MYO3B: variants seen among roughly 807,000 people sequenced by gnomAD.
The protein encoded by MYO3B is myosin IIIB.
A neutral mutation model predicts 174.6 loss-of-function variants in MYO3B; 156 were observed. The observed-to-expected ratio is 0.89, with a 90% CI of 0.78 to 1.02. MYO3B has a LOEUF of 1.02. Ranked by LOEUF, MYO3B falls within the 50% of genes least tolerant of loss-of-function variation. The pLI is 0.00. For synonymous variants in MYO3B, 563 were observed against 569.1 expected (o/e 0.99, Z 0.15); for missense variants, 1,632 against 1,639.4 (o/e 1.00, Z 0.08).
chr2:170,391,688 A>G, intron 15 of MYO3B, 70 bp downstream of exon 15: 2 of 911,432 alleles, frequency 2.2e-6, no homozygotes, highest in Admixed American at 2.6e-5. Context: ...ACTTGGAAGT[A>G]AATGGAGCTG....
chr2:170,567,802 A>C (rs1270100497), intron 32 of MYO3B, among the ~76,000 whole-genome samples: 1 of 152,206 alleles, frequency 6.6e-6, no homozygotes, highest in Admixed American at 6.5e-5. Context: ...CACAGACCCA[A>C]ATTCTGAAAA....
chr2:170,200,088 A>T, intron 2 of MYO3B, 62 bp from the exon 3 acceptor site: 1 of 1,517,530 alleles, frequency 6.6e-7, no homozygotes, highest in Non-Finnish European at 8.9e-7. Context: ...GCATGATGTC[A>T]TATCTGTACC....
chr2:170,484,573 A>G (rs558041560), intron 25 of MYO3B, among the ~76,000 whole-genome samples: 9 of 152,326 alleles, frequency 5.9e-5, no homozygotes, highest in Non-Finnish European at 1.2e-4. Flanking sequence ...AGAAACATTT[A>G]TTAAGCACCT....
chr2:170,422,553 G>A (rs573827737), intron 22 of MYO3B, among the ~76,000 whole-genome samples: 1 of 151,588 alleles, frequency 6.6e-6, no homozygotes, highest in Admixed American at 6.6e-5. Flanking sequence ...CTGCCTCACA[G>A]GTTCAAGCGA....
intron 22 of MYO3B, among the ~76,000 whole-genome samples, chr2:170,432,566 T>TA (rs994678688): frequency 3.3e-5 from 5 of 150,710 alleles, no homozygotes; most frequent in East Asian, 1.9e-4. Context: ...ATTTATTATT[T>TA]AAAAAAAAAG....
At chr2:170,488,133 G>A (rs1686188869) in intron 25 of MYO3B, among the ~76,000 whole-genome samples, 1 of 152,070 alleles carries the variant, frequency 6.6e-6, no homozygotes, top group Admixed American at 6.6e-5. Context: ...GAGAGCAATG[G>A]GACTCTCATA....
intron 8 of MYO3B, among the ~76,000 whole-genome samples, chr2:170,347,706 C>T (rs1392603972): frequency 2.0e-5 from 3 of 152,178 alleles, no homozygotes; most frequent in African/African-American, 4.8e-5. Context: ...TCTGCTCTGA[C>T]GCTCATGATG....
intron 22 of MYO3B, among the ~76,000 whole-genome samples, chr2:170,432,236 G>A (rs991933587): frequency 2.0e-5 from 3 of 152,126 alleles, no homozygotes; most frequent in Non-Finnish European, 4.4e-5. Context: ...ATAGGAGATG[G>A]CAACTCCCTG....
chr2:170,557,642 G>C (rs1202461525), intron 32 of MYO3B, among the ~76,000 whole-genome samples: 1 of 152,120 alleles, frequency 6.6e-6, no homozygotes, highest in African/African-American at 2.4e-5. Flanking sequence ...CAAGAGCCAG[G>C]CTTGCTCTTG....
chr2:170,651,120 A>C (rs1045785072), intron 32 of MYO3B, among the ~76,000 whole-genome samples: 3 of 152,120 alleles, frequency 2.0e-5, no homozygotes, highest in African/African-American at 4.8e-5. Flanking sequence ...CATCAGTGGT[A>C]TTGTTCAAAG....
intron 32 of MYO3B, among the ~76,000 whole-genome samples, chr2:170,628,678 C>T (rs73013515): frequency 0.028 from 4,273 of 150,488 alleles, 212 homozygotes; most frequent in African/African-American, 0.097. Flanking sequence ...TTGGAACTGT[C>T]CTCTTATATT....
At chr2:170,578,618 A>T (rs1692941159) in intron 32 of MYO3B, among the ~76,000 whole-genome samples, 1 of 152,232 alleles carries the variant, frequency 6.6e-6, no homozygotes, top group Non-Finnish European at 1.5e-5. Context: ...CGTTGTTAAA[A>T]ATGTATTCAA....
intron 23 of MYO3B, among the ~76,000 whole-genome samples, chr2:170,458,802 C>G (rs1284288712): frequency 1.3e-5 from 2 of 152,206 alleles, no homozygotes; most frequent in African/African-American, 4.8e-5. Context: ...ATTCCAAGTT[C>G]AGGAGAACCT....
At chr2:170,516,333 C>T in intron 29 of MYO3B, among the ~76,000 whole-genome samples, 1 of 151,554 alleles carries the variant, frequency 6.6e-6, no homozygotes, top group East Asian at 1.9e-4. Context: ...AGATGCTTTT[C>T]CATCTTACTT....
At chr2:170,259,288 G>A (rs924319344) in intron 7 of MYO3B, among the ~76,000 whole-genome samples, 2 of 152,084 alleles carry the variant, frequency 1.3e-5, no homozygotes, top group African/African-American at 4.8e-5. Flanking sequence ...ACAGCCAGAG[G>A]CATCACGTCA....
chr2:170,381,969 A>G (rs2094338919), intron 9 of MYO3B, 47 bp from the exon 10 acceptor site: 1 of 1,499,574 alleles, frequency 6.7e-7, no homozygotes, highest in Admixed American at 1.7e-5. Flanking sequence ...GCTTTCTGCT[A>G]CATTATTTGC....
chr2:170,635,240 A>G (rs1258418050), intron 32 of MYO3B, among the ~76,000 whole-genome samples: 2 of 152,258 alleles, frequency 1.3e-5, no homozygotes, highest in South Asian at 2.1e-4. Context: ...AGACTGGATT[A>G]AGAAAATGTG....
chr2:170,338,006 T>TA (rs964048159), intron 8 of MYO3B: 18 of 152,294 alleles, frequency 1.2e-4, no homozygotes, highest in African/African-American at 4.3e-4. Flanking sequence ...TCCATGCAGT[T>TA]AAAATCCATG....
At chr2:170,389,496 A>G (rs1010218204) in intron 14 of MYO3B, among the ~76,000 whole-genome samples, 5 of 152,224 alleles carry the variant, frequency 3.3e-5, no homozygotes, top group African/African-American at 1.2e-4. Flanking sequence ...GGGGGTGTTT[A>G]TTATCATAAC....
Sources: allele counts gnomAD v4.1 joint callset (sites outside exome capture counted in the v4.1 genomes callset), GRCh38; gene constraint gnomAD v4.1.1; transcripts MANE v1.5; gene names NCBI Gene and HGNC (gene_info 2026-07-23, HGNC 2026-07-21).